The following JPH3 variants were observed in gnomAD, a reference collection of about 807,000 sequenced individuals.
JPH3 encodes junctophilin-3.
In JPH3, 11 loss-of-function variants were observed where a neutral mutation model predicts 59.6. That is an observed-to-expected ratio of 0.18 (90% CI 0.12 to 0.31). JPH3 has a LOEUF of 0.31. Ranked by LOEUF, JPH3 falls within the 10% of genes least tolerant of loss-of-function variation. The probability of loss-of-function intolerance (pLI) is 1.00; values close to 1 mark genes in which losing one functional copy is unlikely to be tolerated. For missense variants in JPH3, 1,202 were observed against 1,105.7 expected (o/e 1.09, Z -1.24); for synonymous variants, 673 against 483.6 (o/e 1.39, Z -5.14).
chr16:87,610,143 A>G (rs961573639), intron 1 of JPH3, among the ~76,000 whole-genome samples: 3 of 152,188 alleles, frequency 2.0e-5, no homozygotes, highest in African/African-American at 7.2e-5. Flanking sequence ...TGCTGATCTC[A>G]CAGGAGGCAG....
intron 1 of JPH3, among the ~76,000 whole-genome samples, chr16:87,608,467 A>G (rs1864152): frequency 6.6e-6 from 1 of 152,036 alleles, no homozygotes; most frequent in African/African-American, 2.4e-5. Context: ...TGGTAGCTTC[A>G]TGGCTGTGAG....
At chr16:87,632,202 G>C (rs59874480) in intron 1 of JPH3, among the ~76,000 whole-genome samples, 3 of 152,134 alleles carry the variant, frequency 2.0e-5, no homozygotes, top group African/African-American at 7.2e-5. Flanking sequence ...CTGTTTGGGT[G>C]GGGTAGCAAG....
In JPH3 at chr16:87,656,142, C is replaced by T. The variant is rs573902048; in HGVS notation, c.1160+11107C>T. Among the ~76,000 whole-genome samples the T allele has an allele frequency of 3.1e-3, 474 of 152,354 alleles. 2 individuals are homozygous for T. The highest frequency in any genetic ancestry group is 0.011 in the African/African-American group (464 of 41,586). On this transcript the variant is annotated intron_variant, in intron 2 of 4. Transcript: ENST00000284262. ...CCCAGTGTATGCTGTGAGCCAGGAG[C>T]CCTGAGGGCGTCTCTGCCCGCCTAT...
intron 2 of JPH3, among the ~76,000 whole-genome samples, chr16:87,664,950 C>T (rs1366520913): frequency 1.3e-5 from 2 of 152,248 alleles, no homozygotes; most frequent in African/African-American, 4.8e-5. Context: ...TGCCTGTCCC[C>T]TGAAACCGCC....
chr16:87,695,457 C>A, intron 4 of JPH3: 1 of 455,800 alleles, frequency 2.2e-6, no homozygotes, highest in Non-Finnish European at 4.4e-6. Flanking sequence ...TGGAGGGCTC[C>A]GGGGGCTCTG....
intron 2 of JPH3, among the ~76,000 whole-genome samples, chr16:87,652,004 T>A (rs1662758386): frequency 1.3e-5 from 2 of 151,766 alleles, no homozygotes; most frequent in Admixed American, 1.3e-4. Context: ...AGATGGAGTC[T>A]CGCTCTGTTG....
chr16:87,646,610 C>G (rs535172205), intron 2 of JPH3, among the ~76,000 whole-genome samples: 1 of 152,196 alleles, frequency 6.6e-6, no homozygotes, highest in Non-Finnish European at 1.5e-5. Flanking sequence ...CGAGCGCTCT[C>G]CTTGGCATTT....
chr16:87,646,181 G>A (rs1384170845), intron 2 of JPH3, among the ~76,000 whole-genome samples: 1 of 152,236 alleles, frequency 6.6e-6, no homozygotes, highest in African/African-American at 2.4e-5. Flanking sequence ...CCTGGGTGCG[G>A]CTCAGCCCTT....
chr16:87,691,516 T>C (rs1324317839), intron 4 of JPH3, among the ~76,000 whole-genome samples: 1 of 151,964 alleles, frequency 6.6e-6, no homozygotes. Flanking sequence ...GGGGGACCAT[T>C]GGTAGGTTTA....
chr16:87,672,881 G>T lies in JPH3; in HGVS notation c.1161-11261G>T, dbSNP rs1037072734. 2.6e-5 allele frequency among the ~76,000 whole-genome samples: 4 copies of T among 152,182 alleles called. No homozygotes were observed. The South Asian group carries it at 8.3e-4, about 31-fold the overall frequency. On this transcript the variant is annotated intron_variant, in intron 2 of 4. Coordinates refer to ENST00000284262, the MANE Select transcript of JPH3 (RefSeq NM_020655.4). ...TTAAATGTAGGCCAGGCAGTGGCTTGTGCCTATAATCTCAGCACTTTGGGA... is the reference window on the plus strand; with the variant it reads ...TTAAATGTAGGCCAGGCAGTGGCTTTTGCCTATAATCTCAGCACTTTGGGA...
intron 4 of JPH3, chr16:87,695,470 C>T (rs943686819): frequency 2.2e-6 from 1 of 455,876 alleles, no homozygotes; most frequent in Non-Finnish European, 4.4e-6. Context: ...GGGCTCTGAA[C>T]AGCTCCTTAC....
chr16:87,694,605 G>A (rs1052624224), intron 4 of JPH3: 8 of 152,500 alleles, frequency 5.2e-5, no homozygotes, highest in African/African-American at 1.9e-4. Context: ...CTCCCATGGT[G>A]CGGCCCTGGA....
chr16:87,647,133 G>T (rs968518180), intron 2 of JPH3, among the ~76,000 whole-genome samples: 4 of 152,134 alleles, frequency 2.6e-5, no homozygotes, highest in South Asian at 2.1e-4. Context: ...GGGGTTTTGG[G>T]GGGCCCAGGG....
At chr16:87,632,738 C>T (rs561277733) in intron 1 of JPH3, among the ~76,000 whole-genome samples, 2 of 152,242 alleles carry the variant, frequency 1.3e-5, no homozygotes, top group South Asian at 4.2e-4. Context: ...ATTAAAAACA[C>T]AAAAATTAGC....
intron 1 of JPH3, among the ~76,000 whole-genome samples, chr16:87,618,135 G>T (rs1427840559): frequency 6.6e-6 from 1 of 152,170 alleles, no homozygotes; most frequent in Non-Finnish European, 1.5e-5. Context: ...CTGCACTCTA[G>T]CCTGGGCGAC....
At chr16:87,666,202 C>A (rs921450181) in intron 2 of JPH3, among the ~76,000 whole-genome samples, 1 of 151,570 alleles carries the variant, frequency 6.6e-6, no homozygotes, top group Non-Finnish European at 1.5e-5. Context: ...AGTTCTCCTG[C>A]CTCAGGCTCC....
chr16:87,637,555 G>A (rs961843571), intron 1 of JPH3, among the ~76,000 whole-genome samples: 2 of 152,152 alleles, frequency 1.3e-5, no homozygotes, highest in African/African-American at 2.4e-5. Flanking sequence ...ACCCAGTCAC[G>A]TGCTGCGCTG....
chr16:87,677,339 T>C (rs528390113), intron 2 of JPH3, among the ~76,000 whole-genome samples: 2 of 149,330 alleles, frequency 1.3e-5, no homozygotes, highest in Non-Finnish European at 2.9e-5. Flanking sequence ...GCCGTGATCA[T>C]GCCACTGTAC....
chr16:87,661,899 A>G (rs1159001455), intron 2 of JPH3, among the ~76,000 whole-genome samples: 2 of 151,946 alleles, frequency 1.3e-5, no homozygotes, highest in African/African-American at 4.8e-5. Flanking sequence ...ATTGCCTCAC[A>G]CTCACGTCCC....
Sources: allele counts gnomAD v4.1 joint callset (sites outside exome capture counted in the v4.1 genomes callset), GRCh38; gene constraint gnomAD v4.1.1; transcripts MANE v1.5; gene names NCBI Gene and HGNC (gene_info 2026-07-23, HGNC 2026-07-21).